The following SLC38A12 variants were observed in gnomAD, a reference collection of about 807,000 sequenced individuals.
SLC38A12 encodes the protein putative sodium-coupled neutral amino acid transporter 12.
chr17:74,803,283 C>T, the SLC38A12 span, among the ~76,000 whole-genome samples: 3 of 152,182 alleles, frequency 2.0e-5, no homozygotes, highest in Non-Finnish European at 4.4e-5. Flanking sequence ...CCCCAAAGCC[C>T]GGTTGATGTT....
chr17:74,793,253 G>A, the SLC38A12 span, among the ~76,000 whole-genome samples: 3 of 152,182 alleles, frequency 2.0e-5, no homozygotes, highest in African/African-American at 4.8e-5. Context: ...GTGTGGTAGG[G>A]TGCTGAGCAG....
the SLC38A12 span, among the ~76,000 whole-genome samples, chr17:74,809,262 G>A: frequency 6.6e-6 from 1 of 152,180 alleles, no homozygotes; most frequent in Non-Finnish European, 1.5e-5. Flanking sequence ...AGGGACCTGG[G>A]GAGGTTTTCG....
chr17:74,836,298 A>G, the SLC38A12 span: 9 of 1,612,638 alleles, frequency 5.6e-6, no homozygotes, highest in Non-Finnish European at 7.6e-6. The surrounding 1 kb of genome is among the most constrained non-coding windows in gnomAD (Gnocchi z 4.2). Context: ...CATCAGCACC[A>G]ACTTCCCCAT....
the SLC38A12 span, chr17:74,836,684 C>G: frequency 6.3e-7 from 1 of 1,593,314 alleles, no homozygotes; most frequent in African/African-American, 1.3e-5. The surrounding 1 kb of genome is among the most constrained non-coding windows in gnomAD (Gnocchi z 4.2). Flanking sequence ...AGACCAAGCT[C>G]TGATGGCAGG....
chr17:74,810,038 G>A, the SLC38A12 span, among the ~76,000 whole-genome samples: 1 of 152,288 alleles, frequency 6.6e-6, no homozygotes, highest in South Asian at 2.1e-4. Flanking sequence ...CTTGGTGGCC[G>A]CTTTGGAACA....
chr17:74,790,814 G>A, the SLC38A12 span: 2 of 604,448 alleles, frequency 3.3e-6, no homozygotes, highest in Non-Finnish European at 5.7e-6. Context: ...ACCATGTCAA[G>A]CAGGAAACAT....
chr17:74,839,500 C>T, the SLC38A12 span: 1 of 202,440 alleles, frequency 4.9e-6, no homozygotes, highest in Non-Finnish European at 1.0e-5. Flanking sequence ...TCCCTTCCAC[C>T]TGGGGCCAAT....
the SLC38A12 span, among the ~76,000 whole-genome samples, chr17:74,823,216 A>G: frequency 1.3e-5 from 2 of 152,156 alleles, no homozygotes; most frequent in Non-Finnish European, 2.9e-5. Flanking sequence ...GGGGTTGGAA[A>G]TAAGCTGGCT....
At chr17:74,836,864 C>T in the SLC38A12 span, 1 of 1,402,118 alleles carries the variant, frequency 7.1e-7, no homozygotes, top group Non-Finnish European at 9.2e-7. The surrounding 1 kb of genome is among the most constrained non-coding windows in gnomAD (Gnocchi z 4.2). Flanking sequence ...ACCCAGTCTG[C>T]ACCTGTCCTC....
At chr17:74,805,371 A>C in the SLC38A12 span, among the ~76,000 whole-genome samples, 1,056 of 152,246 alleles carry the variant, frequency 6.9e-3, 23 homozygotes, top group African/African-American at 0.024. This position sits in a 1 kb window ranked among gnomAD's most constrained non-coding sequence, Gnocchi z 5.0. Flanking sequence ...CTGCTTTGTC[A>C]CTTGCGGCTG....
chr17:74,780,835 A>T, the SLC38A12 span, among the ~76,000 whole-genome samples: 1 of 152,194 alleles, frequency 6.6e-6, no homozygotes. Flanking sequence ...AGACAACTGC[A>T]ATTACCCATT....
chr17:74,827,687 C>T, the SLC38A12 span, among the ~76,000 whole-genome samples: 2 of 152,154 alleles, frequency 1.3e-5, no homozygotes, highest in Admixed American at 6.5e-5. This position sits in a 1 kb window ranked among gnomAD's most constrained non-coding sequence, Gnocchi z 4.7. Flanking sequence ...GTAACTTGGC[C>T]GTTTCCAAGC....
the SLC38A12 span, among the ~76,000 whole-genome samples, chr17:74,798,484 G>A: frequency 2.0e-5 from 3 of 152,236 alleles, no homozygotes; most frequent in Admixed American, 6.5e-5. Context: ...CCTTGTGCCT[G>A]ACGACCCTTG....
the SLC38A12 span, chr17:74,790,807 A>T: frequency 1.6e-6 from 1 of 617,988 alleles, no homozygotes; most frequent in Non-Finnish European, 2.8e-6. Flanking sequence ...GTGTTAAACC[A>T]TGTCAAGCAG....
chr17:74,790,697 C>T, the SLC38A12 span, among the ~76,000 whole-genome samples: 3 of 151,854 alleles, frequency 2.0e-5, no homozygotes, highest in Middle Eastern at 3.2e-3. Context: ...CTTGCTGTCT[C>T]CTCCCTGGTC....
At chr17:74,812,648 G>T in the SLC38A12 span, among the ~76,000 whole-genome samples, 1 of 152,040 alleles carries the variant, frequency 6.6e-6, no homozygotes, top group Non-Finnish European at 1.5e-5. Flanking sequence ...CGATTTGTGC[G>T]CTCCGCCTCC....
chr17:74,777,614 A>G, the SLC38A12 span: 5 of 1,482,576 alleles, frequency 3.4e-6, no homozygotes, highest in East Asian at 2.8e-5. Flanking sequence ...CAAAATCGCC[A>G]TGCTGTTTAT....
the SLC38A12 span, among the ~76,000 whole-genome samples, chr17:74,810,042 T>C: frequency 6.6e-6 from 1 of 152,220 alleles, no homozygotes; most frequent in Non-Finnish European, 1.5e-5. Flanking sequence ...GTGGCCGCTT[T>C]GGAACACGCT....
the SLC38A12 span, among the ~76,000 whole-genome samples, chr17:74,790,716 T>G: frequency 6.6e-6 from 1 of 151,458 alleles, no homozygotes; most frequent in South Asian, 2.1e-4. Flanking sequence ...TCGGCTGGGT[T>G]AGGCTCTGAC....
Sources: gnomAD v4.1 joint callset for allele counts (sites outside exome capture counted in the v4.1 genomes callset) on GRCh38, gnomAD v4.1.1 for gene constraint, Gnocchi (gnomAD v3.1) non-coding constraint, MANE v1.5 for transcripts, NCBI Gene and HGNC (gene_info 2026-07-23, HGNC 2026-07-21) for gene names.